MKLN1: variants seen among roughly 807,000 people sequenced by gnomAD.
MKLN1 encodes the protein muskelin.
Under a neutral mutation model 99.0 loss-of-function variants are expected in MKLN1, and 18 were observed. The observed-to-expected ratio is 0.18, with a 90% CI of 0.13 to 0.27. The LOEUF is 0.27. MKLN1 is among the 10% of genes least tolerant of loss of function. The pLI is 1.00. For missense variants in MKLN1, 621 were observed against 875.9 expected (o/e 0.71, Z 3.67); for synonymous variants, 288 against 293.2 (o/e 0.98, Z 0.18).
chr7:131,205,460 T>C (rs1042720060), intron 3 of MKLN1, among the ~76,000 whole-genome samples: 4 of 152,196 alleles, frequency 2.6e-5, no homozygotes, highest in Non-Finnish European at 5.9e-5. Context: ...GTGTATTAGT[T>C]TTCTACTGTT....
intron 3 of MKLN1, among the ~76,000 whole-genome samples, chr7:131,245,859 T>C (rs1454678956): frequency 6.6e-6 from 1 of 152,244 alleles, no homozygotes; most frequent in African/African-American, 2.4e-5. Context: ...GACTATAGTT[T>C]ACTCAGCTGA....
intron 1 of MKLN1, among the ~76,000 whole-genome samples, chr7:131,362,234 A>G (rs1462914887): frequency 6.6e-6 from 1 of 151,992 alleles, no homozygotes; most frequent in Admixed American, 6.6e-5. Context: ...TTAGTGAACT[A>G]TGGAGTGTAC....
intron 3 of MKLN1, among the ~76,000 whole-genome samples, chr7:131,253,009 G>A (rs1797606137): frequency 6.6e-6 from 1 of 152,162 alleles, no homozygotes. Context: ...ATTAGGAGAT[G>A]ATTTCCAGGA....
In MKLN1 at chr7:131,277,619, T is replaced by A. The variant is rs563225392; in HGVS notation, c.-179+74645T>A. ...TTTAGTAGAGACAGGTTTCACCGTG[T>A]TGGCCAGGCTGGTCTCAAACTCTTG... On this transcript the variant is annotated intron_variant, in intron 3 of 7. Coordinates refer to the MKLN1 transcript ENST00000416992. 6.0e-4 allele frequency among the ~76,000 whole-genome samples: 91 copies of A among 152,260 alleles called. 1 individual carries two copies. The highest frequency in any genetic ancestry group is 6.8e-3 in the Middle Eastern group (2 of 294).
intron 17 of MKLN1, among the ~76,000 whole-genome samples, chr7:131,480,287 A>G (rs1797086130): frequency 6.6e-6 from 1 of 152,202 alleles, no homozygotes; most frequent in African/African-American, 2.4e-5. Flanking sequence ...TGTATGTAAT[A>G]TAAATACTAT....
intron 9 of MKLN1, among the ~76,000 whole-genome samples, chr7:131,430,050 T>A (rs1177914943): frequency 6.6e-6 from 1 of 152,236 alleles, no homozygotes; most frequent in East Asian, 1.9e-4. Context: ...ATTTATTATT[T>A]TTTCAAATCT....
chr7:131,250,424 T>G (rs1005613552), intron 3 of MKLN1, among the ~76,000 whole-genome samples: 2 of 152,206 alleles, frequency 1.3e-5, no homozygotes, highest in Non-Finnish European at 2.9e-5. Flanking sequence ...AAGAGGCTCC[T>G]AACACATGGC....
chr7:131,360,224 T>C (rs1369569675), intron 1 of MKLN1, among the ~76,000 whole-genome samples: 4 of 152,210 alleles, frequency 2.6e-5, no homozygotes, highest in Non-Finnish European at 5.9e-5. Context: ...ATTTGGACTT[T>C]GTTTTTTTTA....
In MKLN1 at chr7:131,185,559, CAG is replaced by C. The variant is rs1042526877; in HGVS notation, c.-296-17295_-296-17294del. Among the ~76,000 whole-genome samples the C allele has an allele frequency of 1.8e-4, 28 of 151,730 alleles. 1 individual carries two copies. The highest frequency in any genetic ancestry group is 6.1e-4 in the African/African-American group (25 of 41,258). On this transcript the variant is annotated intron_variant, in intron 2 of 7. Transcript: ENST00000416992. ...CACCACTGCACTCCAGCCTGGGCGA[CAG>C]AGCAAGATTCCATCTCAAAAAAAAA...
intron 2 of MKLN1, among the ~76,000 whole-genome samples, chr7:131,191,875 G>A (rs1420283767): frequency 2.4e-4 from 36 of 148,762 alleles, no homozygotes; most frequent in Admixed American, 1.3e-3. Context: ...CACCATGCCT[G>A]ACTATTTTTT....
chr7:131,418,369 CAAAAAAAAAAAA>C (rs943898750), intron 8 of MKLN1, among the ~76,000 whole-genome samples: 2 of 54,784 alleles, frequency 3.7e-5, no homozygotes, highest in African/African-American at 6.2e-5. Context: ...GACTTCGTCT[CAAAAAAAAAAAA>C]AAAAAAAAAA....
At chr7:131,190,274 C>G (rs1382114077) in intron 2 of MKLN1, among the ~76,000 whole-genome samples, 1 of 152,114 alleles carries the variant, frequency 6.6e-6, no homozygotes, top group Non-Finnish European at 1.5e-5. Context: ...CCCCTAATTA[C>G]AAGTTGGAGG....
At chr7:131,357,560 A>G (rs1467044720) in intron 1 of MKLN1, among the ~76,000 whole-genome samples, 6 of 152,174 alleles carry the variant, frequency 3.9e-5, no homozygotes, top group South Asian at 2.1e-4. Context: ...AATTTATCCA[A>G]TAATTTATTT....
chr7:131,456,040 T>C (rs1039646082), intron 12 of MKLN1, among the ~76,000 whole-genome samples: 1 of 15,460 alleles, frequency 6.5e-5, no homozygotes, highest in Non-Finnish European at 1.2e-4. Flanking sequence ...AGTGAGACTC[T>C]GTCTCCAAAC....
intron 4 of MKLN1, among the ~76,000 whole-genome samples, chr7:131,395,301 G>A (rs1794324170): frequency 6.6e-6 from 1 of 151,836 alleles, no homozygotes; most frequent in Non-Finnish European, 1.5e-5. Context: ...TAATTGTACA[G>A]GTCCTTTCCT....
chr7:131,299,767 G>A (rs958091798), intron 3 of MKLN1, among the ~76,000 whole-genome samples: 7 of 152,128 alleles, frequency 4.6e-5, no homozygotes, highest in African/African-American at 1.4e-4. Flanking sequence ...CCAACTGTTC[G>A]TTAACGATGT....
chr7:131,445,758 T>C lies in MKLN1; in HGVS notation c.1396-16T>C, dbSNP rs1273654933. On this transcript the variant is annotated splice_polypyrimidine_tract_variant and intron_variant, in intron 11 of 17. Coordinates refer to ENST00000352689, the MANE Select transcript of MKLN1 (RefSeq NM_013255.5). The stretch of plus-strand genomic sequence containing the variant: ...TGATAAGTTACTCCTTTCTTTTTTT[T>C]TTTCTTCTTTTTCAGAAAAATCGTT... 9 of 1,582,754 alleles carry C rather than the reference T, an allele frequency of 5.7e-6. No homozygotes were observed. Among genetic ancestry groups the C allele is most frequent in the Non-Finnish European group, 7.7e-6 (9 of 1,166,950 alleles).
At chr7:131,265,426 T>A (rs1327466886) in intron 3 of MKLN1, among the ~76,000 whole-genome samples, 2 of 152,198 alleles carry the variant, frequency 1.3e-5, no homozygotes, top group Admixed American at 6.5e-5. Context: ...TCCTTCGGCC[T>A]CTTTCTCCCC....
chr7:131,425,560 C>T (rs1795334028), intron 8 of MKLN1, among the ~76,000 whole-genome samples: 1 of 152,146 alleles, frequency 6.6e-6, no homozygotes, highest in African/African-American at 2.4e-5. Flanking sequence ...TTTGAATTCT[C>T]TAAAGTGCTT....
Sources: gnomAD v4.1 joint callset for allele counts (sites outside exome capture counted in the v4.1 genomes callset) on GRCh38, gnomAD v4.1.1 for gene constraint, MANE v1.5 for transcripts, NCBI Gene and HGNC (gene_info 2026-07-23, HGNC 2026-07-21) for gene names.